UBR3: variants seen among roughly 807,000 people sequenced by gnomAD.
UBR3 encodes the protein E3 ubiquitin-protein ligase UBR3.
In UBR3, 85 loss-of-function variants were observed where a neutral mutation model predicts 243.2. The ratio of observed to expected loss-of-function variants is 0.35; its 90% CI spans 0.29 to 0.42. The LOEUF is 0.42. Ranked by LOEUF, UBR3 falls within the 10% of genes least tolerant of loss-of-function variation. UBR3 has a pLI of 1.00. For synonymous variants in UBR3, 748 were observed against 799.8 expected (o/e 0.94, Z 1.09); for missense variants, 1,686 against 2,300.8 (o/e 0.73, Z 5.47).
chr2:169,917,329 G>C, intron 11 of UBR3, among the ~76,000 whole-genome samples: 1 of 152,198 alleles, frequency 6.6e-6, no homozygotes, highest in East Asian at 1.9e-4. Flanking sequence ...TCTTCACCCT[G>C]TCCAGGGTCA....
chr2:169,906,094 C>G lies in UBR3; in HGVS notation c.1709C>G (p.Ala570Gly). ...HVEFESQTYY[A>G]AFAAELEACA... ...GAATTTGAGTCTCAGACCTACTATG[C>G]TGCCTTTGCTGCTGAACTTGAGGCC... is the stretch of plus-strand genomic sequence containing the variant. Residue 570 changes from alanine (A) to glycine (G), a missense_variant, in exon 10 of 39, where the codon GCT (alanine) becomes GGT (glycine). Physicochemically the swap from Ala to Gly is moderately conservative, Grantham distance 60. Coordinates refer to ENST00000272793, the MANE Select transcript of UBR3 (RefSeq NM_172070.4). 1 of 1,551,596 alleles carries G rather than the reference C, an allele frequency of 6.4e-7. No homozygotes were observed. The highest frequency in any genetic ancestry group is 8.7e-7 in the Non-Finnish European group (1 of 1,146,916).
At chr2:170,043,815 ATTAT>A (rs1204563246) in intron 32 of UBR3, among the ~76,000 whole-genome samples, 1 of 152,144 alleles carries the variant, frequency 6.6e-6, no homozygotes, top group Non-Finnish European at 1.5e-5. Flanking sequence ...TGTGCTTTAT[ATTAT>A]TTCTTAAAAT....
At chr2:169,892,275 T>C (rs2084405428) in intron 6 of UBR3, among the ~76,000 whole-genome samples, 1 of 152,206 alleles carries the variant, frequency 6.6e-6, no homozygotes, top group Non-Finnish European at 1.5e-5. Flanking sequence ...TAGGAACTCA[T>C]ATGGCCTTCT....
chr2:169,918,127 GGGTCCACA>G (rs2085535842), intron 11 of UBR3, among the ~76,000 whole-genome samples: 1 of 151,968 alleles, frequency 6.6e-6, no homozygotes, highest in Admixed American at 6.6e-5. Context: ...TGGTACTTCT[GGGTCCACA>G]GTCCTCATTT....
rs1291598983 is a variant in UBR3, at chr2:170,017,536, CACACACACAG to C, written c.4453+2180_4453+2189del. 2.5e-4 allele frequency among the ~76,000 whole-genome samples: 11 copies of C among 43,832 alleles called. 1 individual carries two copies. The South Asian group carries it at 7.5e-3, about 30-fold the overall frequency. The allele number at this position is 43,832 out of a possible 152,430, so 28.8% of individuals were successfully genotyped here. A position where few individuals can be genotyped will look rare whatever the true frequency, so the allele number is the denominator to read the frequency against. ...ATATAATTACGGACACACACACACACACACACACAGACACACACACACACACACACACACA... is the reference window on the plus strand; with the variant it reads ...ATATAATTACGGACACACACACACACACACACACACACACACACACACACA... On this transcript the variant is annotated intron_variant, in intron 30 of 38. Transcript: ENST00000272793.
chr2:169,978,931 G>T (rs1245120346), intron 24 of UBR3, among the ~76,000 whole-genome samples: 3 of 152,116 alleles, frequency 2.0e-5, no homozygotes, highest in African/African-American at 7.2e-5. Flanking sequence ...CTCAGCCAGG[G>T]CATCAGTTCC....
At chr2:169,957,917 T>C (rs573808833) in intron 23 of UBR3, among the ~76,000 whole-genome samples, 2 of 152,340 alleles carry the variant, frequency 1.3e-5, no homozygotes, top group Admixed American at 1.3e-4. Flanking sequence ...TATGTCCTAG[T>C]AGAAACGGGG....
chr2:169,971,759 G>A (rs1047020222), intron 24 of UBR3, among the ~76,000 whole-genome samples: 5 of 152,090 alleles, frequency 3.3e-5, no homozygotes, highest in African/African-American at 7.2e-5. Context: ...GGATGCATTC[G>A]AAGCAGTGTG....
chr2:169,935,785 C>T (rs2086304365), intron 19 of UBR3, among the ~76,000 whole-genome samples: 1 of 152,038 alleles, frequency 6.6e-6, no homozygotes, highest in Non-Finnish European at 1.5e-5. Context: ...TCTATTAATG[C>T]TTTTGAAAAG....
chr2:169,912,840 G>A (rs760499060), intron 10 of UBR3, among the ~76,000 whole-genome samples: 53 of 151,880 alleles, frequency 3.5e-4, no homozygotes, highest in Non-Finnish European at 5.6e-4. Context: ...GAGTGCAGTA[G>A]CATGATCATA....
At chr2:169,959,095 T>C (rs1366149603) in intron 24 of UBR3, among the ~76,000 whole-genome samples, 1 of 150,290 alleles carries the variant, frequency 6.7e-6, no homozygotes, top group African/African-American at 2.5e-5. Context: ...TTTCTTCCAT[T>C]CCAGCAAATT....
At chr2:170,061,579 T>C (rs2091458252) in intron 35 of UBR3, 136 bp downstream of exon 35, 5 of 1,048,058 alleles carry the variant, frequency 4.8e-6, no homozygotes, top group South Asian at 4.7e-5. Context: ...GCAATCCTCC[T>C]CCCTCAGCCC....
chr2:169,992,996 A>T (rs1374514014), intron 25 of UBR3, among the ~76,000 whole-genome samples: 1 of 152,130 alleles, frequency 6.6e-6, no homozygotes, highest in East Asian at 1.9e-4. Context: ...TCTGGCCTCA[A>T]GTAGTCTGTC....
Position 169,872,219 on chromosome 2 carries a change from T to TC in UBR3, c.546-16dup. ...GATTAGACATTACTGTTAATTTTTTTCTTTTTCATATTACAGGTTTTGCAA... is the reference window on the plus strand; with the variant it reads ...GATTAGACATTACTGTTAATTTTTTTCCTTTTTCATATTACAGGTTTTGCAA... On this transcript the variant is annotated splice_polypyrimidine_tract_variant and intron_variant, in intron 1 of 38. Transcript: ENST00000272793. The TC allele has an allele frequency of 1.4e-6, 2 of 1,477,020 alleles. No individual in the cohort carries two copies. The highest frequency in any genetic ancestry group is 9.1e-7 in the Non-Finnish European group (1 of 1,104,702). 91.5% of individuals were successfully genotyped at this position (1,477,020 alleles called of 1,614,324 possible).
In UBR3 at chr2:169,971,502, A is replaced by G. The variant is rs1258251542; in HGVS notation, c.3634+12976A>G. Among the ~76,000 whole-genome samples the G allele has an allele frequency of 2.3e-4, 35 of 151,068 alleles. 1 individual carries two copies. The highest frequency in any genetic ancestry group is 2.9e-5 in the Non-Finnish European group (2 of 67,830). On this transcript the variant is annotated intron_variant, in intron 24 of 38. Transcript: ENST00000272793. ...TAATCCATCTTGAATTGATTTTTGT[A>G]TAAGGTGTAAGGAAGGGATCCAGTT...
intron 1 of UBR3, among the ~76,000 whole-genome samples, chr2:169,842,861 C>G (rs1369163352): frequency 1.3e-5 from 2 of 152,216 alleles, no homozygotes; most frequent in African/African-American, 4.8e-5. Flanking sequence ...CACAGTAGGA[C>G]ATGGGTACAA....
intron 37 of UBR3, 28 bp from the exon 38 acceptor site, chr2:170,080,517 G>A: frequency 6.5e-7 from 1 of 1,548,466 alleles, no homozygotes; most frequent in Non-Finnish European, 8.7e-7. Context: ...TGATTATGAA[G>A]TTCATTAATA....
At chr2:170,073,172 T>TA (rs1559237296) in intron 35 of UBR3, among the ~76,000 whole-genome samples, 1 of 152,154 alleles carries the variant, frequency 6.6e-6, no homozygotes, top group African/African-American at 2.4e-5. Flanking sequence ...CAACTCTATT[T>TA]AAAAAATAAA....
chr2:169,891,746 A>T (rs1451452937), intron 6 of UBR3, among the ~76,000 whole-genome samples: 1 of 152,148 alleles, frequency 6.6e-6, no homozygotes, highest in East Asian at 1.9e-4. Flanking sequence ...GAGGGACTAG[A>T]TTAGTAATAA....
Sources: allele counts gnomAD v4.1 joint callset (sites outside exome capture counted in the v4.1 genomes callset), GRCh38; gene constraint gnomAD v4.1.1; transcripts MANE v1.5; gene names NCBI Gene and HGNC (gene_info 2026-07-23, HGNC 2026-07-21).